SCHIP1: variants seen among roughly 807,000 people sequenced by gnomAD.
SCHIP1 encodes schwannomin-interacting protein 1.
In SCHIP1, 8 loss-of-function variants were observed where a neutral mutation model predicts 29.7. The observed-to-expected ratio is 0.27, with a 90% CI of 0.16 to 0.49. SCHIP1 has a LOEUF of 0.49. Among genes scored for constraint, SCHIP1 ranks in the 20% least tolerant of loss-of-function variants. The probability of loss-of-function intolerance (pLI) is 0.99; values close to 1 mark genes in which losing one functional copy is unlikely to be tolerated. For missense variants in SCHIP1, 193 were observed against 294.6 expected (o/e 0.66, Z 2.52); for synonymous variants, 76 against 94.9 (o/e 0.80, Z 1.16).
chr3:159,692,013 CTTTTTTTTTTTTTTT>C, the SCHIP1 span, among the ~76,000 whole-genome samples: 1 of 90,942 alleles, frequency 1.1e-5, no homozygotes, highest in Non-Finnish European at 2.1e-5. Context: ...CCCGACCTTT[CTTTTTTTTTTTTTTT>C]TTTTTTTTTT....
chr3:159,377,140 A>G, the SCHIP1 span, among the ~76,000 whole-genome samples: 155 of 152,286 alleles, frequency 1.0e-3, 2 homozygotes, highest in South Asian at 0.024. Flanking sequence ...CCGTTCAGCT[A>G]GATTGTGGAA....
intron 1 of SCHIP1, among the ~76,000 whole-genome samples, chr3:159,842,574 G>A (rs889544776): frequency 6.6e-6 from 1 of 151,996 alleles, no homozygotes; most frequent in African/African-American, 2.4e-5. Context: ...AGTCCTAACA[G>A]GGCTTTATAT....
chr3:159,321,318 C>T, the SCHIP1 span, among the ~76,000 whole-genome samples: 3 of 152,152 alleles, frequency 2.0e-5, no homozygotes, highest in Non-Finnish European at 4.4e-5. Context: ...GTATTCATTG[C>T]GTCCTCAACG....
At chr3:159,777,515 T>G in the SCHIP1 span, among the ~76,000 whole-genome samples, 1 of 142,278 alleles carries the variant, frequency 7.0e-6, no homozygotes, top group Non-Finnish European at 1.5e-5. Context: ...ATCCCATTAC[T>G]TAGCATTTAC....
the SCHIP1 span, among the ~76,000 whole-genome samples, chr3:159,349,165 T>C: frequency 1.6e-4 from 25 of 152,226 alleles, no homozygotes; most frequent in Non-Finnish European, 3.4e-4. Context: ...ATTTTCAAGA[T>C]TGGTGATGAT....
chr3:159,887,940 TG>T, intron 4 of SCHIP1, 35 bp downstream of exon 5: 5 of 1,610,896 alleles, frequency 3.1e-6, no homozygotes, highest in Non-Finnish European at 4.2e-6. Context: ...AGGAAGTGTT[TG>T]GGAGCCAGAA....
chr3:159,621,442 G>C, the SCHIP1 span, among the ~76,000 whole-genome samples: 3 of 152,172 alleles, frequency 2.0e-5, no homozygotes, highest in Non-Finnish European at 4.4e-5. Flanking sequence ...TTGCAATTCT[G>C]ATATAACTCA....
At chr3:159,670,774 C>T in the SCHIP1 span, among the ~76,000 whole-genome samples, 22 of 152,190 alleles carry the variant, frequency 1.4e-4, no homozygotes, top group South Asian at 1.9e-3. Context: ...TCAAACAACC[C>T]CATCCTCCCT....
At chr3:159,345,131 G>A in the SCHIP1 span, among the ~76,000 whole-genome samples, 1 of 151,660 alleles carries the variant, frequency 6.6e-6, no homozygotes, top group East Asian at 1.9e-4. Flanking sequence ...GGGAGGCTGA[G>A]GCAGAGAATT....
At chr3:159,886,301 T>C in exon 3 of SCHIP1, 1 of 1,614,038 alleles carries the variant, frequency 6.2e-7, no homozygotes, top group Non-Finnish European at 8.5e-7. Context: ...TGAAACCAGC[T>C]TGGACACCCC....
At chr3:159,695,901 C>G in the SCHIP1 span, among the ~76,000 whole-genome samples, 1 of 152,096 alleles carries the variant, frequency 6.6e-6, no homozygotes, top group Non-Finnish European at 1.5e-5. Context: ...TTCACCAAGC[C>G]TTATGGGCTT....
At chr3:159,517,482 T>A in the SCHIP1 span, among the ~76,000 whole-genome samples, 2 of 152,068 alleles carry the variant, frequency 1.3e-5, no homozygotes, top group Admixed American at 1.3e-4. Flanking sequence ...TTCAAAAAAA[T>A]TTTGTGATAA....
the SCHIP1 span, among the ~76,000 whole-genome samples, chr3:159,563,124 C>A: frequency 6.6e-6 from 1 of 152,158 alleles, no homozygotes; most frequent in African/African-American, 2.4e-5. Flanking sequence ...TCTGCAGATG[C>A]CATTCTTCAG....
chr3:159,635,921 G>A, the SCHIP1 span, among the ~76,000 whole-genome samples: 2 of 152,090 alleles, frequency 1.3e-5, no homozygotes, highest in African/African-American at 4.8e-5. Flanking sequence ...GAAAGTATAC[G>A]CCTTGTACTT....
chr3:159,439,786 T>C, the SCHIP1 span, among the ~76,000 whole-genome samples: 15 of 152,196 alleles, frequency 9.9e-5, 1 homozygote, highest in African/African-American at 3.1e-4. Context: ...ATTAGACCTT[T>C]GTCAGATGCA....
At chr3:159,704,912 CTTTCTTTCTTTCTTTCTTTCTTT>C in the SCHIP1 span, among the ~76,000 whole-genome samples, 19 of 83,362 alleles carry the variant, frequency 2.3e-4, 1 homozygote, top group East Asian at 5.1e-3. Flanking sequence ...TTCTTTATTT[CTTTCTTTCTTTCTTTCTTTCTTT>C]CTTTCCTTTC....
At chr3:159,718,344 C>T in the SCHIP1 span, among the ~76,000 whole-genome samples, 1 of 152,230 alleles carries the variant, frequency 6.6e-6, no homozygotes, top group East Asian at 1.9e-4. Context: ...CCCTCTCTCA[C>T]CACTCCTATT....
At chr3:159,529,938 A>C in the SCHIP1 span, among the ~76,000 whole-genome samples, 1 of 152,210 alleles carries the variant, frequency 6.6e-6, no homozygotes, top group Non-Finnish European at 1.5e-5. Flanking sequence ...ACAAGATTTC[A>C]TTCTCTTTGA....
chr3:159,873,161 T>C lies in SCHIP1; in HGVS notation c.149+6880T>C, dbSNP rs548664413. On this transcript the variant is annotated intron_variant, in intron 2 of 6. Transcript: ENST00000445224. ...AGATTAAAACCAGGTAAACCTGATA[T>C]GAATTTACTACTCTGAAGAGCTCAA... 3.9e-5 allele frequency among the ~76,000 whole-genome samples: 6 copies of C among 152,344 alleles called. No individual in the cohort carries two copies. The South Asian group carries it at 1.2e-3, about 32-fold the overall frequency.
Sources: gnomAD v4.1 joint callset for allele counts (sites outside exome capture counted in the v4.1 genomes callset) on GRCh38, gnomAD v4.1.1 for gene constraint, MANE v1.5 for transcripts, NCBI Gene and HGNC (gene_info 2026-07-23, HGNC 2026-07-21) for gene names.